The following CLASP1 variants were observed in gnomAD, a reference collection of about 807,000 sequenced individuals.
CLASP1 encodes cytoplasmic linker associated protein 1.
Under a neutral mutation model 192.3 loss-of-function variants are expected in CLASP1, and 38 were observed. The observed-to-expected ratio is 0.20, with a 90% confidence interval of 0.15 to 0.26. The LOEUF (loss-of-function observed/expected upper bound fraction) is 0.26, where lower values mean the gene tolerates loss of function less well. CLASP1 is among the 10% of genes least tolerant of loss of function. The pLI is 1.00. For synonymous variants in CLASP1, 691 were observed against 712.8 expected (o/e 0.97, Z 0.49); for missense variants, 1,433 against 1,932.5 (o/e 0.74, Z 4.85).
intron 9 of CLASP1, 69 bp from the exon 10 acceptor site, chr2:121,462,674 C>T (rs2088347435): frequency 1.2e-6 from 1 of 862,478 alleles, no homozygotes; most frequent in Admixed American, 2.3e-5. Flanking sequence ...CTGAAGAAGT[C>T]TAAACATACA....
At chr2:121,447,581 T>C in intron 18 of CLASP1, 74 bp from the exon 19 acceptor site, 1 of 1,263,912 alleles carries the variant, frequency 7.9e-7, no homozygotes, top group Non-Finnish European at 1.1e-6. Flanking sequence ...AATCTGATGT[T>C]GTTTTGCTTT....
intron 2 of CLASP1, among the ~76,000 whole-genome samples, chr2:121,533,725 T>C (rs1350422890): frequency 1.3e-5 from 2 of 152,224 alleles, no homozygotes; most frequent in Admixed American, 6.5e-5. Flanking sequence ...GACTCTGACA[T>C]TTTACTTAAT....
chr2:121,587,350 G>A (rs1420044942), intron 2 of CLASP1, among the ~76,000 whole-genome samples: 2 of 152,132 alleles, frequency 1.3e-5, no homozygotes, highest in Admixed American at 6.5e-5. Flanking sequence ...CCCCTGCCTG[G>A]ATCCAGGGCA....
At chr2:121,646,908 C>T (rs1342793079) in intron 1 of CLASP1, among the ~76,000 whole-genome samples, 2 of 151,670 alleles carry the variant, frequency 1.3e-5, no homozygotes, top group African/African-American at 2.4e-5. Context: ...GGCATGGTGG[C>T]GGGCACCTGT....
At chr2:121,461,747 C>T (rs1427932530) in intron 10 of CLASP1, among the ~76,000 whole-genome samples, 1 of 152,130 alleles carries the variant, frequency 6.6e-6, no homozygotes, top group Non-Finnish European at 1.5e-5. Flanking sequence ...GTGGCGCAAT[C>T]TCAATTCACA....
chr2:121,641,265 G>A (rs183010356), intron 1 of CLASP1, among the ~76,000 whole-genome samples: 3 of 151,588 alleles, frequency 2.0e-5, no homozygotes, highest in East Asian at 3.9e-4. Flanking sequence ...AAGAAAATTC[G>A]CTAAAAGGTA....
chr2:121,612,136 G>A (rs991306482), intron 1 of CLASP1, among the ~76,000 whole-genome samples: 23 of 151,482 alleles, frequency 1.5e-4, no homozygotes, highest in Admixed American at 2.6e-4. Flanking sequence ...ACAGGAGGAA[G>A]AGGAACTGGA....
At chr2:121,561,302 T>C (rs1666016755) in intron 2 of CLASP1, among the ~76,000 whole-genome samples, 1 of 152,228 alleles carries the variant, frequency 6.6e-6, no homozygotes, top group Non-Finnish European at 1.5e-5. Context: ...CTTAACTACC[T>C]GGGAACCAGG....
At chr2:121,621,127 G>A (rs1250792993) in intron 1 of CLASP1, among the ~76,000 whole-genome samples, 1 of 152,018 alleles carries the variant, frequency 6.6e-6, no homozygotes, top group Non-Finnish European at 1.5e-5. Flanking sequence ...GCTAAAGTAG[G>A]AGGATTGTTG....
At chr2:121,529,928 AACACGTATTACTAAGTTCCGTGTGAGAAC>A (rs1402386285) in intron 3 of CLASP1, among the ~76,000 whole-genome samples, 13 of 152,232 alleles carry the variant, frequency 8.5e-5, no homozygotes, top group African/African-American at 3.1e-4. Flanking sequence ...TTCATATTAG[AACACGTATTACTAAGTTCCGTGTGAGAAC>A]ACAGTGAAGC....
intron 2 of CLASP1, among the ~76,000 whole-genome samples, chr2:121,575,337 C>A (rs377726329): frequency 1.2e-3 from 178 of 152,224 alleles, no homozygotes; most frequent in African/African-American, 4.0e-3. Flanking sequence ...AAACTTCCGA[C>A]CTCAGATAAT....
At chr2:121,551,044 G>T (rs2057993634) in intron 2 of CLASP1, among the ~76,000 whole-genome samples, 1 of 152,178 alleles carries the variant, frequency 6.6e-6, no homozygotes, top group Non-Finnish European at 1.5e-5. Flanking sequence ...CTTCATCCCT[G>T]GGATGCAAGG....
rs539102289 is a variant in CLASP1, at chr2:121,340,702, A to C, written c.*159T>G. The C allele has an allele frequency of 1.9e-4, 117 of 605,318 alleles. No individual in the cohort carries two copies. The South Asian group carries it at 2.3e-3, about 12-fold the overall frequency. The allele number at this position is 605,318 out of a possible 1,614,324, so 37.5% of individuals were successfully genotyped here. ...GCTTCCTTTACATTCAATACCAGTA[A>C]GATTCTACAGAAAAGCTGGAAGGGA... is the stretch of plus-strand genomic sequence containing the variant. On this transcript the variant is annotated 3_prime_UTR_variant, in exon 40 of 40. Transcript: ENST00000263710.
intron 1 of CLASP1, among the ~76,000 whole-genome samples, chr2:121,632,360 T>C (rs1219338380): frequency 1.3e-5 from 2 of 152,210 alleles, no homozygotes; most frequent in Non-Finnish European, 2.9e-5. Context: ...ACCCAAAATG[T>C]CAACTTCTGG....
intron 9 of CLASP1, among the ~76,000 whole-genome samples, chr2:121,467,278 A>T (rs546483802): frequency 1.3e-5 from 2 of 152,210 alleles, no homozygotes; most frequent in African/African-American, 2.4e-5. Context: ...ATATGCATAC[A>T]TGTATCTTTA....
intron 19 of CLASP1, among the ~76,000 whole-genome samples, chr2:121,443,036 CA>C (rs1485856495): frequency 1.3e-5 from 2 of 152,152 alleles, no homozygotes; most frequent in Non-Finnish European, 2.9e-5. Flanking sequence ...AATGGCAACC[CA>C]GAAGAGTTCA....
intron 30 of CLASP1, among the ~76,000 whole-genome samples, chr2:121,389,484 G>GAAA (rs10640938): frequency 2.6e-4 from 36 of 139,734 alleles, no homozygotes; most frequent in African/African-American, 5.6e-4. Context: ...TTAGGTGTTA[G>GAAA]AAAAAAAAAA....
At chr2:121,447,290 T>A in intron 19 of CLASP1, 47 bp downstream of exon 19, 1 of 1,517,796 alleles carries the variant, frequency 6.6e-7, no homozygotes, top group East Asian at 2.4e-5. Context: ...AAGAGTCATC[T>A]CTTGCAGAGC....
intron 14 of CLASP1, among the ~76,000 whole-genome samples, chr2:121,456,813 A>G (rs2086766016): frequency 6.6e-6 from 1 of 152,158 alleles, no homozygotes. Context: ...ACTCTTTCAC[A>G]GGGCTAGCAT....
Sources: gnomAD v4.1 joint callset for allele counts (sites outside exome capture counted in the v4.1 genomes callset) on GRCh38, gnomAD v4.1.1 for gene constraint, MANE v1.5 for transcripts, NCBI Gene and HGNC (gene_info 2026-07-23, HGNC 2026-07-21) for gene names.